ARMC2: variants seen among roughly 807,000 people sequenced by gnomAD.
ARMC2 encodes armadillo repeat containing 2.
ARMC2 carries 67 observed loss-of-function variants against 90.3 expected under a neutral mutation model. That is an observed-to-expected ratio of 0.74 (90% CI 0.61 to 0.91). The LOEUF is 0.91. Among genes scored for constraint, ARMC2 ranks in the 40% least tolerant of loss-of-function variants. The pLI, the probability that ARMC2 is intolerant of heterozygous loss-of-function variation, is 0.00. For missense variants in ARMC2, 920 were observed against 1,030.9 expected (o/e 0.89, Z 1.47); for synonymous variants, 393 against 393.0 (o/e 1.00, Z 0.00).
intron 3 of ARMC2, among the ~76,000 whole-genome samples, chr6:108,863,620 A>C (rs957579840): frequency 6.6e-6 from 1 of 152,240 alleles, no homozygotes; most frequent in African/African-American, 2.4e-5. Flanking sequence ...AGGTGTGACC[A>C]TGTGAATACA....
chr6:108,988,383 C>T, the ARMC2 span: 1 of 556,470 alleles, frequency 1.8e-6, no homozygotes, highest in Non-Finnish European at 3.0e-6. Context: ...TCAACATAAT[C>T]AGGTTCCCTT....
chr6:109,006,557 G>A, the ARMC2 span, among the ~76,000 whole-genome samples: 1 of 151,840 alleles, frequency 6.6e-6, no homozygotes, highest in South Asian at 2.1e-4. Context: ...ACTAGTGAGT[G>A]GTGGAGACGG....
At chr6:108,852,876 C>T (rs139589223) in intron 1 of ARMC2, among the ~76,000 whole-genome samples, 1,748 of 152,002 alleles carry the variant, frequency 0.011, 6 homozygotes, top group South Asian at 0.032. Flanking sequence ...TTAGATGTTA[C>T]GGGACTGAAT....
chr6:108,914,785 C>T (rs1268824926), intron 10 of ARMC2, among the ~76,000 whole-genome samples: 2 of 152,212 alleles, frequency 1.3e-5, no homozygotes, highest in East Asian at 3.9e-4. Context: ...AGCAACAAGA[C>T]TTCACTCCAA....
At chr6:108,928,467 A>T (rs983322705) in intron 11 of ARMC2, among the ~76,000 whole-genome samples, 5 of 152,168 alleles carry the variant, frequency 3.3e-5, no homozygotes, top group Non-Finnish European at 2.9e-5. Context: ...AAGTCATTTT[A>T]GTTCTTTGGT....
chr6:109,027,501 A>G, the ARMC2 span, among the ~76,000 whole-genome samples: 1 of 151,082 alleles, frequency 6.6e-6, no homozygotes, highest in Non-Finnish European at 1.5e-5. Context: ...AAAAAAAAAA[A>G]AGAGACATCT....
chr6:109,047,472 G>C, the ARMC2 span, among the ~76,000 whole-genome samples: 1 of 129,428 alleles, frequency 7.7e-6, no homozygotes, highest in Non-Finnish European at 1.7e-5. Flanking sequence ...GAGGGAGGTG[G>C]GGGGGTCAGC....
chr6:108,897,055 A>G (rs11153135), intron 6 of ARMC2, among the ~76,000 whole-genome samples: 17,001 of 152,262 alleles, frequency 0.11, 1,239 homozygotes, highest in Middle Eastern at 0.18. Context: ...TACTTTTAGA[A>G]TCCATATCCA....
the ARMC2 span, among the ~76,000 whole-genome samples, chr6:109,022,844 T>C: frequency 6.6e-6 from 1 of 152,194 alleles, no homozygotes; most frequent in Non-Finnish European, 1.5e-5. Flanking sequence ...TCAAGGGGCC[T>C]GAGTAAAGGT....
the ARMC2 span, among the ~76,000 whole-genome samples, chr6:109,046,695 C>T: frequency 5.9e-5 from 8 of 135,296 alleles, no homozygotes; most frequent in African/African-American, 1.7e-4. Context: ...TCTGCCCGGC[C>T]GCCCATCGTC....
chr6:108,860,455 G>A (rs1380654021), intron 3 of ARMC2, among the ~76,000 whole-genome samples: 1 of 152,030 alleles, frequency 6.6e-6, no homozygotes, highest in African/African-American at 2.4e-5. Flanking sequence ...GAGGTCAGGA[G>A]ACCGAGACCA....
At chr6:108,851,414 T>C (rs1774000009) in intron 1 of ARMC2, among the ~76,000 whole-genome samples, 1 of 152,214 alleles carries the variant, frequency 6.6e-6, no homozygotes, top group Non-Finnish European at 1.5e-5. Context: ...CTGCCATCAG[T>C]TTCTACCTTG....
At chr6:108,871,121 C>T (rs958987443) in intron 4 of ARMC2, among the ~76,000 whole-genome samples, 2 of 152,078 alleles carry the variant, frequency 1.3e-5, no homozygotes, top group Admixed American at 6.5e-5. Flanking sequence ...GTGCAATGAC[C>T]GGGCACGAGA....
the ARMC2 span, among the ~76,000 whole-genome samples, chr6:108,982,471 T>TGGTTTATTTGGG: frequency 6.6e-6 from 1 of 152,240 alleles, no homozygotes; most frequent in Non-Finnish European, 1.5e-5. Flanking sequence ...TTTGGGGGAA[T>TGGTTTATTTGGG]GCAAATATTC....
intron 1 of ARMC2, among the ~76,000 whole-genome samples, chr6:108,853,839 T>C (rs1774251368): frequency 6.6e-6 from 1 of 152,174 alleles, no homozygotes; most frequent in African/African-American, 2.4e-5. Flanking sequence ...TGTAACCTTA[T>C]AGTATCACTA....
At position 108,854,297 on chromosome 6, in the gene ARMC2, A is replaced by C; in HGVS notation, c.30A>C (p.Gly10=). MLSPNDKML[G]KLDPFYQPSV... is the part of the protein sequence containing the mutation. ...TGTCTCCAAATGATAAAATGTTAGG[A>C]AAACTGGATCCATTTTATCAACCTT... Residue 10 remains glycine (G), a synonymous_variant, in exon 2 of 18, where the codon GGA becomes GGC. Coordinates refer to ENST00000392644, the MANE Select transcript of ARMC2 (RefSeq NM_032131.6). 6.2e-7 allele frequency: 1 copy of C among 1,611,064 alleles called. No individual in the cohort carries two copies. Among genetic ancestry groups the C allele is most frequent in the Non-Finnish European group, 8.5e-7 (1 of 1,178,760 alleles).
the ARMC2 span, among the ~76,000 whole-genome samples, chr6:109,035,302 C>T: frequency 2.0e-5 from 3 of 152,120 alleles, no homozygotes. Flanking sequence ...AAACAGACCC[C>T]TAACTTCAGA....
the ARMC2 span, among the ~76,000 whole-genome samples, chr6:109,016,490 T>C: frequency 6.6e-6 from 1 of 152,140 alleles, no homozygotes; most frequent in South Asian, 2.1e-4. Context: ...GGTATTAAGT[T>C]GTAGATTCTT....
chr6:108,864,742 G>T (rs1393828071), intron 3 of ARMC2, among the ~76,000 whole-genome samples: 1 of 152,146 alleles, frequency 6.6e-6, no homozygotes, highest in Non-Finnish European at 1.5e-5. Context: ...GGAAGAGCCA[G>T]GGCAGAAATT....
Sources: allele counts gnomAD v4.1 joint callset (sites outside exome capture counted in the v4.1 genomes callset), GRCh38; gene constraint gnomAD v4.1.1; transcripts MANE v1.5; gene names NCBI Gene and HGNC (gene_info 2026-07-23, HGNC 2026-07-21).